Variants in RIT2 observed in about 807,000 individuals in gnomAD.
RIT2 encodes the protein GTP-binding protein Rit2.
Under a neutral mutation model 23.7 loss-of-function variants are expected in RIT2, and 24 were observed. That is an observed-to-expected ratio of 1.01 (90% CI 0.73 to 1.43). RIT2 has a LOEUF of 1.43. Ranked by LOEUF, RIT2 falls within the 40% of genes most tolerant of loss-of-function variation. The pLI is 0.00. For missense variants in RIT2, 236 were observed against 266.9 expected, an observed-to-expected ratio of 0.88 and a Z score of 0.81; for synonymous variants, 107 against 91.1, an observed-to-expected ratio of 1.17 and a Z score of -0.99.
rs564455328 is a variant in RIT2 at position 43,110,857 on chromosome 18, T to C, written c.103+4560A>G. On this transcript the variant is annotated intron_variant, in intron 1 of 4. Transcript: ENST00000326695. ...GTCTTATTTTTAAAATAAACTTTAT[T>C]GTGTATATTTAAGGTATACAATATG... Among the ~76,000 whole-genome samples the C allele has an allele frequency of 1.0e-3, 155 of 152,302 alleles. 1 individual carries two copies. Among genetic ancestry groups the C allele is most frequent in the African/African-American group, 3.7e-3 (153 of 41,574 alleles).
chr18:42,948,929 C>A (rs923691167), intron 3 of RIT2: 24 of 396,976 alleles, frequency 6.0e-5, no homozygotes, highest in Middle Eastern at 6.3e-4. Context: ...CACCTAGGAG[C>A]TTAGAATTCT....
intron 4 of RIT2, among the ~76,000 whole-genome samples, chr18:42,791,575 T>C (rs1039254102): frequency 6.6e-6 from 1 of 152,244 alleles, no homozygotes; most frequent in Non-Finnish European, 1.5e-5. Flanking sequence ...CAATTCATTG[T>C]ATTTTGGTGA....
intron 2 of RIT2, among the ~76,000 whole-genome samples, chr18:43,005,325 TCTA>T (rs1911201571): frequency 6.6e-6 from 1 of 151,874 alleles, no homozygotes; most frequent in Non-Finnish European, 1.5e-5. Context: ...ATCATTTATT[TCTA>T]CTTCTACATA....
chr18:42,747,324 T>C (rs1386918306), intron 4 of RIT2, among the ~76,000 whole-genome samples: 1 of 151,772 alleles, frequency 6.6e-6, no homozygotes, highest in Admixed American at 6.6e-5. Flanking sequence ...AATAAAATAC[T>C]TAAGAATATA....
chr18:42,817,063 T>C (rs760461319), intron 4 of RIT2, among the ~76,000 whole-genome samples: 15 of 152,122 alleles, frequency 9.9e-5, no homozygotes, highest in African/African-American at 1.4e-4. Context: ...AAGATTTAGA[T>C]TGAAGTAAAA....
At chr18:42,919,037 C>T (rs922178053) in intron 4 of RIT2, among the ~76,000 whole-genome samples, 2 of 152,228 alleles carry the variant, frequency 1.3e-5, no homozygotes, top group Admixed American at 6.5e-5. Context: ...TTTCTCCCTA[C>T]ATCATATGCA....
intron 4 of RIT2, among the ~76,000 whole-genome samples, chr18:42,870,674 C>A (rs1471350704): frequency 6.6e-6 from 1 of 151,886 alleles, no homozygotes; most frequent in Non-Finnish European, 1.5e-5. Flanking sequence ...AGAAAACAAC[C>A]AATAGGGTAG....
intron 4 of RIT2, among the ~76,000 whole-genome samples, chr18:42,763,333 G>T (rs1352663620): frequency 2.0e-5 from 3 of 152,024 alleles, no homozygotes; most frequent in Admixed American, 6.6e-5. Context: ...GTGGTGGCAG[G>T]CCCCTGTAGT....
At chr18:42,758,905 C>A (rs1473507208) in intron 4 of RIT2, among the ~76,000 whole-genome samples, 2 of 152,060 alleles carry the variant, frequency 1.3e-5, no homozygotes, top group Non-Finnish European at 2.9e-5. Flanking sequence ...TTGATTCTGT[C>A]CTTGATTCTG....
At chr18:42,859,643 T>C (rs977833945) in intron 4 of RIT2, among the ~76,000 whole-genome samples, 1 of 152,242 alleles carries the variant, frequency 6.6e-6, no homozygotes, top group African/African-American at 2.4e-5. Context: ...TAATCCATTA[T>C]GAAAATGTGC....
intron 4 of RIT2, among the ~76,000 whole-genome samples, chr18:42,876,722 T>C (rs1326143328): frequency 6.6e-6 from 1 of 151,750 alleles, no homozygotes; most frequent in Non-Finnish European, 1.5e-5. Flanking sequence ...TAATAAGTAA[T>C]AGCCAAGAAG....
intron 1 of RIT2, among the ~76,000 whole-genome samples, chr18:43,096,713 G>A (rs187325257): frequency 7.3e-5 from 11 of 151,676 alleles, no homozygotes; most frequent in East Asian, 1.9e-4. Flanking sequence ...TGAGTGGTGG[G>A]GGTTCACAAG....
chr18:42,963,186 C>T (rs1910131319), intron 3 of RIT2, among the ~76,000 whole-genome samples: 1 of 152,048 alleles, frequency 6.6e-6, no homozygotes, highest in African/African-American at 2.4e-5. Context: ...ATTTCTTTTC[C>T]AGGGCCTTTG....
At chr18:42,880,565 C>A (rs1907861571) in intron 4 of RIT2, among the ~76,000 whole-genome samples, 1 of 152,012 alleles carries the variant, frequency 6.6e-6, no homozygotes, top group African/African-American at 2.4e-5. Context: ...TGTAATTTTT[C>A]TCATTTTTTC....
chr18:42,797,893 A>G (rs1905420575), intron 4 of RIT2, among the ~76,000 whole-genome samples: 1 of 152,216 alleles, frequency 6.6e-6, no homozygotes, highest in Admixed American at 6.5e-5. Flanking sequence ...AATGCTTACA[A>G]GAAGGTGGAC....
intron 4 of RIT2, among the ~76,000 whole-genome samples, chr18:42,838,873 T>C (rs536380412): frequency 6.6e-6 from 1 of 152,216 alleles, no homozygotes; most frequent in Non-Finnish European, 1.5e-5. Context: ...CAGCTACATA[T>C]GGTATTGAAA....
chr18:42,998,804 A>C (rs1420527422), intron 2 of RIT2, among the ~76,000 whole-genome samples: 1 of 152,108 alleles, frequency 6.6e-6, no homozygotes, highest in Non-Finnish European at 1.5e-5. Flanking sequence ...GTCTGCAATT[A>C]ACGCCTCTTC....
chr18:42,900,320 T>C (rs1908441640), intron 4 of RIT2, among the ~76,000 whole-genome samples: 1 of 152,054 alleles, frequency 6.6e-6, no homozygotes, highest in South Asian at 2.1e-4. Flanking sequence ...TCTGGGGCTT[T>C]TCAGAAAACC....
At chr18:43,035,080 A>G (rs1214843530) in intron 1 of RIT2, among the ~76,000 whole-genome samples, 1 of 152,198 alleles carries the variant, frequency 6.6e-6, no homozygotes, top group Non-Finnish European at 1.5e-5. Context: ...AAGTGTGTAC[A>G]CACTTTAGCA....
Sources: gnomAD v4.1 joint callset for allele counts (sites outside exome capture counted in the v4.1 genomes callset) on GRCh38, gnomAD v4.1.1 for gene constraint, MANE v1.5 for transcripts, NCBI Gene and HGNC (gene_info 2026-07-23, HGNC 2026-07-21) for gene names.